DTNB: variants seen among roughly 807,000 people sequenced by gnomAD.
DTNB encodes the protein dystrobrevin beta.
Under a neutral mutation model 90.7 loss-of-function variants are expected in DTNB, and 63 were observed. That is an observed-to-expected ratio of 0.69 (90% CI 0.57 to 0.86). The LOEUF is 0.86. Ranked by LOEUF, DTNB falls within the 40% of genes least tolerant of loss-of-function variation. The pLI, the probability that DTNB is intolerant of heterozygous loss-of-function variation, is 0.00. For missense variants in DTNB, 744 were observed against 807.1 expected, an observed-to-expected ratio of 0.92 and a Z score of 0.95; for synonymous variants, 277 against 286.7, an observed-to-expected ratio of 0.97 and a Z score of 0.34.
chr2:25,391,247 A>T (rs2041028539), intron 16 of DTNB, among the ~76,000 whole-genome samples: 1 of 152,126 alleles, frequency 6.6e-6, no homozygotes. Context: ...ATGAAAGAAA[A>T]ACTAGATACA....
intron 8 of DTNB, among the ~76,000 whole-genome samples, chr2:25,566,648 AAC>A (rs2059084026): frequency 6.6e-6 from 1 of 152,152 alleles, no homozygotes; most frequent in African/African-American, 2.4e-5. Context: ...CCTAATAGTC[AAC>A]AGTCACCCTA....
intron 9 of DTNB, among the ~76,000 whole-genome samples, chr2:25,511,444 A>G (rs1011068748): frequency 2.6e-5 from 4 of 151,928 alleles, no homozygotes; most frequent in Non-Finnish European, 5.9e-5. Flanking sequence ...CGATACTCCT[A>G]TATCAGCCTC....
intron 2 of DTNB, among the ~76,000 whole-genome samples, chr2:25,651,233 C>T (rs929288655): frequency 6.6e-6 from 1 of 152,176 alleles, no homozygotes; most frequent in African/African-American, 2.4e-5. Flanking sequence ...ATCTTCACAA[C>T]AATTCTATGA....
chr2:25,588,057 T>C (rs2062785344), intron 6 of DTNB, among the ~76,000 whole-genome samples: 1 of 152,232 alleles, frequency 6.6e-6, no homozygotes, highest in Non-Finnish European at 1.5e-5. Context: ...CTTGGCAGTT[T>C]GGTCTACCTT....
At chr2:25,627,706 T>G (rs1232652598) in intron 4 of DTNB, among the ~76,000 whole-genome samples, 8 of 151,934 alleles carry the variant, frequency 5.3e-5, no homozygotes, top group Non-Finnish European at 1.0e-4. Context: ...GTGAACCAGT[T>G]TCTAGAGGGG....
At chr2:25,420,612 T>C (rs2049342013) in intron 15 of DTNB, among the ~76,000 whole-genome samples, 1 of 151,790 alleles carries the variant, frequency 6.6e-6, no homozygotes, top group African/African-American at 2.4e-5. Context: ...ACCTCTGGAG[T>C]AGCTGGGATT....
chr2:25,384,317 G>C (rs55904893), intron 18 of DTNB, among the ~76,000 whole-genome samples: 1 of 152,090 alleles, frequency 6.6e-6, no homozygotes, highest in Non-Finnish European at 1.5e-5. Context: ...AAAAAATTCC[G>C]TATGTTTTAG....
At chr2:25,402,800 G>C (rs2044081249) in intron 16 of DTNB, among the ~76,000 whole-genome samples, 1 of 152,158 alleles carries the variant, frequency 6.6e-6, no homozygotes, top group Non-Finnish European at 1.5e-5. Flanking sequence ...TGTTGCCAAT[G>C]GCAGAAAGTT....
At chr2:25,436,025 C>A (rs2055636180) in intron 12 of DTNB, among the ~76,000 whole-genome samples, 1 of 152,120 alleles carries the variant, frequency 6.6e-6, no homozygotes, top group African/African-American at 2.4e-5. Context: ...ATATTTCTGA[C>A]CCTTGTTAAC....
intron 16 of DTNB, among the ~76,000 whole-genome samples, chr2:25,404,030 G>A (rs944037396): frequency 1.3e-5 from 2 of 152,202 alleles, no homozygotes; most frequent in African/African-American, 4.8e-5. Context: ...CATATGTACA[G>A]TGGGGATAAC....
intron 9 of DTNB, among the ~76,000 whole-genome samples, chr2:25,486,262 A>T (rs2066109406): frequency 6.6e-6 from 1 of 152,196 alleles, no homozygotes; most frequent in Admixed American, 6.5e-5. Context: ...TGGGAGTTTG[A>T]GACCAGCCTG....
At chr2:25,582,655 A>G (rs2061727872) in intron 6 of DTNB, among the ~76,000 whole-genome samples, 1 of 152,150 alleles carries the variant, frequency 6.6e-6, no homozygotes, top group African/African-American at 2.4e-5. Flanking sequence ...GAACTACGCA[A>G]AAGGGCTGAC....
intron 3 of DTNB, among the ~76,000 whole-genome samples, chr2:25,629,867 G>A (rs2075293162): frequency 6.6e-6 from 1 of 151,988 alleles, no homozygotes; most frequent in Non-Finnish European, 1.5e-5. Context: ...TCAAGTACAG[G>A]CAGCAAAAAA....
At chr2:25,548,644 G>A (rs1230816338) in intron 8 of DTNB, among the ~76,000 whole-genome samples, 1 of 152,140 alleles carries the variant, frequency 6.6e-6, no homozygotes. Context: ...GTAAGGGGGA[G>A]TAGGGCAGAA....
At chr2:25,455,733 T>C (rs368370155) in intron 10 of DTNB, among the ~76,000 whole-genome samples, 32 of 152,210 alleles carry the variant, frequency 2.1e-4, no homozygotes, top group East Asian at 1.9e-3. Flanking sequence ...CCCACTGACA[T>C]GACAGCCCTT....
chr2:25,402,708 C>T (rs2044054846), intron 16 of DTNB, among the ~76,000 whole-genome samples: 1 of 152,212 alleles, frequency 6.6e-6, no homozygotes, highest in South Asian at 2.1e-4. Context: ...TAACCTGTCA[C>T]TCACTGTGAT....
chr2:25,477,568 T>C (rs2063978241), intron 10 of DTNB, among the ~76,000 whole-genome samples: 1 of 152,186 alleles, frequency 6.6e-6, no homozygotes, highest in South Asian at 2.1e-4. Flanking sequence ...AAAGATGGTA[T>C]TATGTCCCAA....
intron 10 of DTNB, among the ~76,000 whole-genome samples, chr2:25,471,729 GT>G (rs1364001449): frequency 1.3e-5 from 2 of 152,026 alleles, no homozygotes; most frequent in African/African-American, 2.4e-5. Flanking sequence ...CCAAATAAAT[GT>G]CATATTGAAC....
rs1471898053 is a variant in DTNB at position 25,451,584 on chromosome 2, G to A, written c.1221C>T (p.Arg407=). Residue 407 remains arginine, a synonymous_variant, in exon 12 of 21, where the codon CGC becomes CGT. Coordinates refer to ENST00000406818, the MANE Select transcript of DTNB (RefSeq NM_021907.5). ...CTTCTGCAGCCAGCCGGGCAGCATA[G>A]CGAGCTATAAGACGGTGTTCCTCAT... The part of the protein sequence containing the change: ...RLDEEHRLIA[R]YAARLAAEAG... 1.2e-6 allele frequency: 2 copies of A among 1,609,204 alleles called. No individual in the cohort carries two copies. Among genetic ancestry groups the A allele is most frequent in the Admixed American group, 1.7e-5 (1 of 59,462 alleles).
Sources: gnomAD v4.1 joint callset for allele counts (sites outside exome capture counted in the v4.1 genomes callset) on GRCh38, gnomAD v4.1.1 for gene constraint, MANE v1.5 for transcripts, NCBI Gene and HGNC (gene_info 2026-07-23, HGNC 2026-07-21) for gene names.